Variants in CDK14 observed in about 807,000 individuals in gnomAD.
CDK14 encodes cyclin-dependent kinase 14.
CDK14 carries 34 observed loss-of-function variants against 60.7 expected under a neutral mutation model. The ratio of observed to expected loss-of-function variants is 0.56; its 90% CI spans 0.43 to 0.75. CDK14 has a LOEUF of 0.75. Ranked by LOEUF, CDK14 falls within the 30% of genes least tolerant of loss-of-function variation. The probability of loss-of-function intolerance (pLI) is 0.00; values close to 1 mark genes in which losing one functional copy is unlikely to be tolerated. For synonymous variants in CDK14, 197 were observed against 203.7 expected (o/e 0.97, Z 0.28); for missense variants, 482 against 564.1 (o/e 0.85, Z 1.47).
chr7:91,026,500 A>C (rs1796573633), intron 10 of CDK14, among the ~76,000 whole-genome samples: 1 of 152,116 alleles, frequency 6.6e-6, no homozygotes, highest in South Asian at 2.1e-4. Context: ...TGTTAGCCCA[A>C]CCTCTGATGT....
At chr7:91,078,373 A>G (rs1798384159) in intron 11 of CDK14, among the ~76,000 whole-genome samples, 1 of 152,148 alleles carries the variant, frequency 6.6e-6, no homozygotes, top group Admixed American at 6.5e-5. Context: ...TTGGGAGGCC[A>G]AGGCAGGTCG....
At chr7:91,145,954 ATTTT>A (rs869115595) in intron 14 of CDK14, among the ~76,000 whole-genome samples, 1 of 127,724 alleles carries the variant, frequency 7.8e-6, no homozygotes, top group East Asian at 2.4e-4. Flanking sequence ...TTATTTATTT[ATTTT>A]TTATGTCAAG....
rs536410802 is a variant in CDK14 at position 90,986,829 on chromosome 7, C to T, written c.1041+2588C>T. On this transcript the variant is annotated intron_variant, in intron 10 of 14. Coordinates refer to ENST00000380050, the MANE Select transcript of CDK14 (RefSeq NM_001287135.2). ...TGATAATTTTCTGAACTTTAGACTCCACTTTTCAGCCTCTGATAGCTGTTG... is the reference window on the plus strand; with the variant it reads ...TGATAATTTTCTGAACTTTAGACTCTACTTTTCAGCCTCTGATAGCTGTTG... Among the ~76,000 whole-genome samples the T allele has an allele frequency of 9.9e-4, 151 of 151,980 alleles. 1 individual carries two copies. The highest frequency in any genetic ancestry group is 1.3e-3 in the Non-Finnish European group (85 of 67,848).
intron 2 of CDK14, among the ~76,000 whole-genome samples, chr7:90,706,181 A>G (rs1801891301): frequency 6.6e-6 from 1 of 152,140 alleles, no homozygotes; most frequent in African/African-American, 2.4e-5. Context: ...AGACATCTCA[A>G]TGGCCTCTAA....
chr7:90,916,054 C>T (rs1201009490), intron 7 of CDK14, among the ~76,000 whole-genome samples: 2 of 152,056 alleles, frequency 1.3e-5, no homozygotes, highest in Admixed American at 6.6e-5. Context: ...GGTTTGCCTT[C>T]GTGTTTTTAT....
chr7:90,984,963 A>G (rs1795333146), intron 10 of CDK14, among the ~76,000 whole-genome samples: 1 of 152,210 alleles, frequency 6.6e-6, no homozygotes, highest in Admixed American at 6.5e-5. Context: ...TGACAAGTCA[A>G]TGTTATGTGG....
At chr7:91,091,971 C>CT in intron 12 of CDK14, among the ~76,000 whole-genome samples, 1 of 151,984 alleles carries the variant, frequency 6.6e-6, no homozygotes, top group Non-Finnish European at 1.5e-5. Flanking sequence ...ACCCGAAAAC[C>CT]TGCATGTACC....
intron 4 of CDK14, among the ~76,000 whole-genome samples, chr7:90,760,208 G>A (rs1307195707): frequency 2.0e-5 from 3 of 152,150 alleles, no homozygotes; most frequent in African/African-American, 7.2e-5. Context: ...GAGAAATAGG[G>A]GGGAAGAAAT....
chr7:90,666,136 A>G (rs1298606991), intron 2 of CDK14, among the ~76,000 whole-genome samples: 1 of 152,116 alleles, frequency 6.6e-6, no homozygotes, highest in Non-Finnish European at 1.5e-5. Context: ...TTGGTTTCCA[A>G]GTGCTTCATG....
intron 11 of CDK14, among the ~76,000 whole-genome samples, chr7:91,076,069 A>G (rs1048616004): frequency 1.3e-5 from 2 of 151,862 alleles, no homozygotes; most frequent in Non-Finnish European, 2.9e-5. Context: ...ATTCAAAGCT[A>G]TCCCCATCAA....
chr7:90,858,585 C>T (rs1790902880), intron 5 of CDK14, among the ~76,000 whole-genome samples: 1 of 152,162 alleles, frequency 6.6e-6, no homozygotes, highest in Admixed American at 6.5e-5. Flanking sequence ...CTTCACAAAG[C>T]CATGTGCCTT....
intron 9 of CDK14, among the ~76,000 whole-genome samples, chr7:90,961,080 T>C (rs1794590625): frequency 6.6e-6 from 1 of 152,160 alleles, no homozygotes. Flanking sequence ...AACTCAGAGA[T>C]AACCTACTCC....
intron 10 of CDK14, among the ~76,000 whole-genome samples, chr7:90,994,134 T>C (rs970141372): frequency 6.6e-6 from 1 of 152,198 alleles, no homozygotes; most frequent in Non-Finnish European, 1.5e-5. Context: ...TTTTATGGTT[T>C]CAGGGTCAGG....
At chr7:90,677,001 A>G (rs1464942467) in intron 2 of CDK14, among the ~76,000 whole-genome samples, 1 of 151,990 alleles carries the variant, frequency 6.6e-6, no homozygotes, top group Admixed American at 6.6e-5. Context: ...GAAGGGAAGT[A>G]ATGATGTATG....
At chr7:91,144,407 C>T (rs531595693) in intron 14 of CDK14, among the ~76,000 whole-genome samples, 1 of 152,184 alleles carries the variant, frequency 6.6e-6, no homozygotes, top group South Asian at 2.1e-4. Context: ...AAAATATATG[C>T]TTGAGATTCT....
intron 5 of CDK14, among the ~76,000 whole-genome samples, chr7:90,857,518 A>T (rs936384026): frequency 6.6e-6 from 1 of 152,204 alleles, no homozygotes; most frequent in African/African-American, 2.4e-5. Flanking sequence ...ACCTTTTCAA[A>T]TCTCACTGGT....
At chr7:91,053,989 G>C (rs1231374825) in intron 11 of CDK14, among the ~76,000 whole-genome samples, 1 of 149,360 alleles carries the variant, frequency 6.7e-6, no homozygotes, top group Non-Finnish European at 1.5e-5. Context: ...TTCAATATTT[G>C]TTATTTATAC....
At chr7:91,127,568 A>G (rs917366633) in intron 14 of CDK14, among the ~76,000 whole-genome samples, 3 of 152,184 alleles carry the variant, frequency 2.0e-5, no homozygotes, top group Non-Finnish European at 2.9e-5. Flanking sequence ...AAGAGACCAC[A>G]TGCCCTTTGG....
chr7:90,732,882 C>G (rs1285747840), intron 3 of CDK14, among the ~76,000 whole-genome samples: 9 of 152,126 alleles, frequency 5.9e-5, no homozygotes, highest in Non-Finnish European at 1.2e-4. Flanking sequence ...CTTCTGCTAG[C>G]TTTTGAATGT....
Sources: allele counts gnomAD v4.1 joint callset (sites outside exome capture counted in the v4.1 genomes callset), GRCh38; gene constraint gnomAD v4.1.1; transcripts MANE v1.5; gene names NCBI Gene and HGNC (gene_info 2026-07-23, HGNC 2026-07-21).